Variants in FBN1 observed in about 807,000 individuals in gnomAD.
FBN1 encodes the protein fibrillin 1.
In FBN1, 29 loss-of-function variants were observed where a neutral mutation model predicts 365.1. The ratio of observed to expected loss-of-function variants is 0.08; its 90% CI spans 0.06 to 0.11. The LOEUF (loss-of-function observed/expected upper bound fraction) is 0.11. FBN1 is among the 10% of genes least tolerant of loss of function. The pLI, the probability that FBN1 is intolerant of heterozygous loss-of-function variation, is 1.00. For synonymous variants in FBN1, 1,210 were observed against 1,270.5 expected, an observed-to-expected ratio of 0.95 and a Z score of 1.01; for missense variants, 2,476 against 3,703.2, an observed-to-expected ratio of 0.67 and a Z score of 8.60.
chr15:48,603,727 A>G (rs895116680), intron 4 of FBN1, among the ~76,000 whole-genome samples: 1 of 152,170 alleles, frequency 6.6e-6, no homozygotes, highest in Non-Finnish European at 1.5e-5. Flanking sequence ...AAGTCAGAAG[A>G]TATTCCTAAA....
At chr15:48,628,603 A>T (rs1468077082) in intron 2 of FBN1, among the ~76,000 whole-genome samples, 1 of 152,248 alleles carries the variant, frequency 6.6e-6, no homozygotes, top group East Asian at 1.9e-4. Flanking sequence ...AGCTCATAAT[A>T]GCCTATCCTT....
chr15:48,412,311 G>GT lies in FBN1; in HGVS notation c.8226+257dup, dbSNP rs556879175. ...TATCCTTTCAGCAGACTTTGGGTGG[G>GT]TATTTGACTTTTTTTTGGCGAGACA... is the stretch of plus-strand genomic sequence containing the variant. On this transcript the variant is annotated intron_variant, in intron 65 of 65. Transcript: ENST00000316623. Among the ~76,000 whole-genome samples the GT allele has an allele frequency of 1.9e-4, 29 of 152,260 alleles. No homozygotes were observed. The South Asian group carries it at 6.0e-3, about 32-fold the overall frequency.
rs1373690375 is a variant in FBN1 at position 48,474,569 on chromosome 15, C to G, written c.4046G>C (p.Ser1349Thr). 1 of 1,614,084 alleles carries G rather than the reference C, an allele frequency of 6.2e-7. No individual in the cohort carries two copies. The highest frequency in any genetic ancestry group is 8.5e-7 in the Non-Finnish European group (1 of 1,180,036). ...CTNTAGSFKC[S>T]CSPGWIGDGI... ...ATCTCCAATCCACCCGGGACTGCAGCTACATTTGAAGCTTCCTGCTGTATT... is the reference window on the plus strand; with the variant it reads ...ATCTCCAATCCACCCGGGACTGCAGGTACATTTGAAGCTTCCTGCTGTATT... Residue 1349 changes from serine to threonine, a missense_variant, in exon 33 of 66, where the codon AGC (serine) becomes ACC (threonine). This residue lies in a region of FBN1 where 1,780 missense variants were observed against 2,840.8 expected (regional missense o/e 0.63). Coordinates refer to ENST00000316623, the MANE Select transcript of FBN1 (RefSeq NM_000138.5).
chr15:48,639,504 G>A (rs1890162093), intron 2 of FBN1, among the ~76,000 whole-genome samples: 1 of 152,166 alleles, frequency 6.6e-6, no homozygotes, highest in Non-Finnish European at 1.5e-5. Context: ...CAGGGTTATG[G>A]GGTATATGTC....
In FBN1 at chr15:48,460,432, A is replaced by G. The variant is rs2303498; in HGVS notation, c.5225-115T>C. On this transcript the variant is annotated intron_variant, in intron 42 of 65. Transcript: ENST00000316623. ...TGAAAGGTATTTGTCTGTAGTTTGA[A>G]GAATTTAAAATAAAAAGTAAACCTG... The G allele has an allele frequency of 2.8e-5, 20 of 711,794 alleles. No individual in the cohort carries two copies. The East Asian group carries it at 4.9e-4, about 17-fold the overall frequency. The allele number at this position is 711,794 out of a possible 1,614,324, so 44.1% of individuals were successfully genotyped here. A position where few individuals can be genotyped will look rare whatever the true frequency, so the allele number is the denominator to read the frequency against.
At chr15:48,460,140 A>ATTTTACTTTCACTTTT (rs2043269817) in intron 43 of FBN1, 106 bp downstream of exon 43, 2 of 788,796 alleles carry the variant, frequency 2.5e-6, no homozygotes, top group Non-Finnish European at 4.5e-6. Flanking sequence ...AGTGAAAGGC[A>ATTTTACTTTCACTTTT]TTGTTTAATA....
At chr15:48,513,706 G>A (rs1175095802) in intron 12 of FBN1, 38 bp from the exon 13 acceptor site, 2 of 1,612,192 alleles carry the variant, frequency 1.2e-6, no homozygotes, top group East Asian at 2.2e-5. Context: ...AAATTACATA[G>A]CAATACCTCA....
chr15:48,444,792 T>C (rs759642833), intron 48 of FBN1, 132 bp from the exon 49 acceptor site: 10 of 970,046 alleles, frequency 1.0e-5, no homozygotes, highest in African/African-American at 3.3e-5. Flanking sequence ...AATTCCACCA[T>C]GGAGAAAAAT....
At chr15:48,512,827 T>C (rs1372538698) in intron 13 of FBN1, among the ~76,000 whole-genome samples, 3 of 152,124 alleles carry the variant, frequency 2.0e-5, no homozygotes, top group African/African-American at 4.8e-5. Flanking sequence ...AATTTAGAGA[T>C]AGAGATGGAG....
intron 45 of FBN1, among the ~76,000 whole-genome samples, chr15:48,451,048 G>T (rs2043197580): frequency 6.6e-6 from 1 of 152,204 alleles, no homozygotes; most frequent in South Asian, 2.1e-4. Context: ...TGCAAATGAT[G>T]CTCACTCACA....
chr15:48,417,379 TCCTA>T (rs951608499), intron 63 of FBN1, among the ~76,000 whole-genome samples: 22 of 151,078 alleles, frequency 1.5e-4, no homozygotes, highest in African/African-American at 5.1e-4. Flanking sequence ...TCTCCTTCCC[TCCTA>T]CCTTCTTTCC....
chr15:48,456,646 C>T lies in FBN1; in HGVS notation c.5413G>A (p.Val1805Ile), dbSNP rs745636786. Reference sequence around the variant, plus strand: ...TCATGATGCCACTTACCTTCACAAACCAACAACTTGTCATTATAGAAGAAT... The same window carrying T: ...TCATGATGCCACTTACCTTCACAAATCAACAACTTGTCATTATAGAAGAAT... ...VGFFYNDKLL[V>I]CEDIDECQNG... The change falls in exon 44 of 66, where the codon GTT becomes ATT. Residue 1805 changes from valine to isoleucine, a missense_variant. Around this residue, in one of 5 missense-constraint regions of FBN1, gnomAD observed 1,780 missense variants for 2,840.8 expected, o/e 0.63. Transcript: ENST00000316623. The T allele has an allele frequency of 6.2e-7, 1 of 1,613,732 alleles. No homozygotes were observed. Among genetic ancestry groups the T allele is most frequent in the African/African-American group, 1.3e-5 (1 of 74,890 alleles).
At chr15:48,467,838 T>G in intron 38 of FBN1, 100 bp downstream of exon 38, 2 of 1,124,498 alleles carry the variant, frequency 1.8e-6, no homozygotes, top group South Asian at 2.5e-5. Flanking sequence ...AGGACTGATC[T>G]TTCTTCTCTG....
intron 46 of FBN1, among the ~76,000 whole-genome samples, 194 bp from the exon 47 acceptor site, chr15:48,447,016 A>C (rs1566898917): frequency 6.6e-6 from 1 of 152,182 alleles, no homozygotes; most frequent in Non-Finnish European, 1.5e-5. Flanking sequence ...AAATCTTGGG[A>C]ATAAATGGTT....
chr15:48,475,312 C>T (rs1242107142), intron 32 of FBN1, among the ~76,000 whole-genome samples: 1 of 152,114 alleles, frequency 6.6e-6, no homozygotes, highest in Admixed American at 6.5e-5. Context: ...ATGTAAAACT[C>T]AAGTTAATCC....
intron 5 of FBN1, among the ~76,000 whole-genome samples, chr15:48,597,928 A>C (rs1413296811): frequency 1.3e-5 from 2 of 152,194 alleles, no homozygotes; most frequent in Non-Finnish European, 2.9e-5. Context: ...CATTGGGCTA[A>C]ACTCCCTCAG....
At chr15:48,580,429 G>A (rs561553122) in intron 6 of FBN1, among the ~76,000 whole-genome samples, 14 of 152,108 alleles carry the variant, frequency 9.2e-5, no homozygotes, top group African/African-American at 3.4e-4. Context: ...AGCTTTTTAG[G>A]CTTTCTAGGA....
At chr15:48,511,967 T>C (rs1037821634) in intron 13 of FBN1, among the ~76,000 whole-genome samples, 11 of 152,342 alleles carry the variant, frequency 7.2e-5, no homozygotes, top group African/African-American at 2.6e-4. Flanking sequence ...TATTTGTACA[T>C]GTTAATTATA....
At chr15:48,452,098 A>C (rs1319981066) in intron 45 of FBN1, among the ~76,000 whole-genome samples, 3 of 152,204 alleles carry the variant, frequency 2.0e-5, no homozygotes, top group Non-Finnish European at 4.4e-5. Context: ...TCTGCAGATT[A>C]ATCTGACCCA....
Sources: allele counts gnomAD v4.1 joint callset (sites outside exome capture counted in the v4.1 genomes callset), GRCh38; gene constraint gnomAD v4.1.1; regional missense constraint gnomAD v4.1.1; transcripts MANE v1.5; gene names NCBI Gene and HGNC (gene_info 2026-07-23, HGNC 2026-07-21).